SPRED2: variants seen among roughly 807,000 people sequenced by gnomAD.
SPRED2 encodes the protein sprouty related EVH1 domain containing 2.
In SPRED2, 47 loss-of-function variants were observed where a neutral mutation model predicts 43.0. That is an observed-to-expected ratio of 1.09 (90% CI 0.87 to 1.40). The LOEUF (loss-of-function observed/expected upper bound fraction) is 1.40. Ranked by LOEUF, SPRED2 falls within the 40% of genes most tolerant of loss-of-function variation. The pLI, the probability that SPRED2 is intolerant of heterozygous loss-of-function variation, is 0.00. For synonymous variants in SPRED2, 225 were observed against 225.7 expected (o/e 1.00, Z 0.03); for missense variants, 561 against 586.4 (o/e 0.96, Z 0.45).
chr2:65,359,992 G>C (rs1212249895), intron 1 of SPRED2, among the ~76,000 whole-genome samples: 2 of 147,094 alleles, frequency 1.4e-5, no homozygotes, highest in African/African-American at 2.5e-5. Context: ...TAGAACCCCG[G>C]AGGCGGAGGT....
chr2:65,403,755 C>T (rs1056582541), intron 1 of SPRED2, among the ~76,000 whole-genome samples: 1 of 152,150 alleles, frequency 6.6e-6, no homozygotes, highest in East Asian at 1.9e-4. Context: ...GAAGACCCCA[C>T]GTGACTCACA....
At chr2:65,375,378 C>T (rs1397875445) in intron 1 of SPRED2, among the ~76,000 whole-genome samples, 2 of 152,198 alleles carry the variant, frequency 1.3e-5, no homozygotes, top group African/African-American at 4.8e-5. Flanking sequence ...TCAAAAGGGA[C>T]AGAGATCTGT....
chr2:65,402,203 C>T (rs938524969), intron 1 of SPRED2, among the ~76,000 whole-genome samples: 1 of 144,988 alleles, frequency 6.9e-6, no homozygotes, highest in Non-Finnish European at 1.5e-5. Flanking sequence ...CACTTGAGCC[C>T]GGGAGGCGAA....
chr2:65,413,378 C>A (rs1195584489), intron 1 of SPRED2, among the ~76,000 whole-genome samples: 1 of 152,174 alleles, frequency 6.6e-6, no homozygotes, highest in Non-Finnish European at 1.5e-5. Context: ...GCTGAGGCCT[C>A]TGGAAAAGCA....
intron 1 of SPRED2, among the ~76,000 whole-genome samples, chr2:65,354,434 G>A (rs921930060): frequency 1.1e-4 from 17 of 151,932 alleles, no homozygotes; most frequent in African/African-American, 3.9e-4. Context: ...GCATTGTACT[G>A]TGTTTAAACG....
intron 1 of SPRED2, among the ~76,000 whole-genome samples, chr2:65,417,782 G>A (rs1009961193): frequency 2.6e-5 from 4 of 152,178 alleles, no homozygotes; most frequent in East Asian, 1.9e-4. Context: ...AGCTGAGCTC[G>A]TATTTTCCTA....
rs755213088 is a variant in SPRED2, at chr2:65,384,975, C to CTTCT, written c.27-40080_27-40079insAGAA. On this transcript the variant is annotated intron_variant, in intron 1 of 5. Transcript: ENST00000356388. ...CTAGAAATTTTGCTTTCCACTTCTT[C>CTTCT]TTTTTTTTTTTTTTTGAGACGGACT... is the stretch of plus-strand genomic sequence containing the variant. 6.3e-3 allele frequency among the ~76,000 whole-genome samples: 875 copies of CTTCT among 139,812 alleles called. 10 individuals carry two copies. The highest frequency in any genetic ancestry group is 0.016 in the African/African-American group (636 of 38,654). The allele number at this position is 139,812 out of a possible 152,430, so 91.7% of individuals were successfully genotyped here.
chr2:65,430,868 A>C (rs7599248), intron 1 of SPRED2, among the ~76,000 whole-genome samples: 1,184 of 78,504 alleles, frequency 0.015, 18 homozygotes, highest in African/African-American at 0.032. Context: ...CTTATTCACA[A>C]AAAAAAAAAA....
Position 65,313,600 on chromosome 2 carries a change from G to C in SPRED2, c.1158C>G (p.Phe386Leu). The change falls in exon 6 of 6, where the codon TTC (phenylalanine) becomes TTG (leucine). Residue 386 changes from phenylalanine (F) to leucine (L), a missense_variant. Physicochemically the swap from Phe to Leu is conservative, Grantham distance 22 (BLOSUM62 0). Around this residue, in one of 6 missense-constraint regions of SPRED2, gnomAD observed 65 missense variants for 60.2 expected, o/e 1.08. Coordinates refer to ENST00000356388, the MANE Select transcript of SPRED2 (RefSeq NM_181784.3). ...LRWMALIALS[F>L]LAPCMCCYLP... is the part of the protein sequence containing the mutation. ...GGTAACAGCACATACAGGGGGCCAG[G>C]AAAGACAAGGCAATAAGAGCCATCC... 1.2e-6 allele frequency: 2 copies of C among 1,614,214 alleles called. No homozygotes were observed. The highest frequency in any genetic ancestry group is 2.2e-5 in the South Asian group (2 of 91,086).
At chr2:65,378,562 G>A (rs569797161) in intron 1 of SPRED2, among the ~76,000 whole-genome samples, 6 of 152,334 alleles carry the variant, frequency 3.9e-5, no homozygotes, top group Non-Finnish European at 7.3e-5. Context: ...AGGAAAAAGA[G>A]CTGTTAAAAT....
chr2:65,413,906 TGAATGAGTATAAATTTTCAACAATCAA>T (rs1224577116), intron 1 of SPRED2, among the ~76,000 whole-genome samples: 2 of 152,222 alleles, frequency 1.3e-5, no homozygotes, highest in African/African-American at 4.8e-5. Context: ...AAACAGTTTA[TGAATGAGTATAAATTTTCAACAATCAA>T]GAATGAGTAC....
intron 1 of SPRED2, among the ~76,000 whole-genome samples, chr2:65,414,461 G>A (rs1236473195): frequency 6.6e-6 from 1 of 152,030 alleles, no homozygotes; most frequent in Non-Finnish European, 1.5e-5. Context: ...TGAGAACCAC[G>A]GAGGCTGTGA....
intron 1 of SPRED2, among the ~76,000 whole-genome samples, chr2:65,369,468 T>C (rs953481877): frequency 5.3e-5 from 8 of 152,346 alleles, no homozygotes; most frequent in East Asian, 1.9e-4. Flanking sequence ...GCGATACTTT[T>C]CCCCTGATCT....
At chr2:65,399,799 T>C (rs1230897804) in intron 1 of SPRED2, among the ~76,000 whole-genome samples, 2 of 152,126 alleles carry the variant, frequency 1.3e-5, no homozygotes, top group Non-Finnish European at 2.9e-5. Flanking sequence ...GAATCATACA[T>C]TGGACTTTGG....
At chr2:65,338,472 G>A (rs1374134485) in intron 2 of SPRED2, among the ~76,000 whole-genome samples, 15 of 151,934 alleles carry the variant, frequency 9.9e-5, no homozygotes, top group Non-Finnish European at 1.3e-4. Context: ...TGGTTTTTGT[G>A]TTTTTTTGGT....
intron 1 of SPRED2, among the ~76,000 whole-genome samples, chr2:65,377,202 A>C (rs1675261551): frequency 6.6e-6 from 1 of 152,246 alleles, no homozygotes; most frequent in African/African-American, 2.4e-5. Flanking sequence ...GCCTTTACAT[A>C]TTAAGATGCT....
chr2:65,386,186 G>A (rs1160164830), intron 1 of SPRED2, among the ~76,000 whole-genome samples: 5 of 151,432 alleles, frequency 3.3e-5, no homozygotes, highest in East Asian at 1.9e-4. Context: ...TCGGGAGGCT[G>A]AGGCAGGAGA....
intron 1 of SPRED2, among the ~76,000 whole-genome samples, chr2:65,402,654 A>G (rs1217004180): frequency 6.6e-6 from 1 of 152,204 alleles, no homozygotes; most frequent in Admixed American, 6.5e-5. Flanking sequence ...GGCATAGTGA[A>G]GGCATAGGAA....
chr2:65,414,488 CA>C (rs1676228372), intron 1 of SPRED2, among the ~76,000 whole-genome samples: 1 of 151,166 alleles, frequency 6.6e-6, no homozygotes, highest in African/African-American at 2.5e-5. Context: ...AGTACTTGCC[CA>C]AGGGCCTATC....
Sources: allele counts gnomAD v4.1 joint callset (sites outside exome capture counted in the v4.1 genomes callset), GRCh38; gene constraint gnomAD v4.1.1; regional missense constraint gnomAD v4.1.1; transcripts MANE v1.5; gene names NCBI Gene and HGNC (gene_info 2026-07-23, HGNC 2026-07-21).